The following TENM1 variants were observed in gnomAD, a reference collection of about 807,000 sequenced individuals.
TENM1 encodes teneurin-1.
In TENM1, 35 loss-of-function variants were observed where a neutral mutation model predicts 174.8. The ratio of observed to expected loss-of-function variants is 0.20; its 90% CI spans 0.15 to 0.27. TENM1 has a LOEUF of 0.27. Ranked by LOEUF, TENM1 falls within the 10% of genes least tolerant of loss-of-function variation. The probability of loss-of-function intolerance (pLI) is 1.00; values close to 1 mark genes in which losing one functional copy is unlikely to be tolerated. For synonymous variants in TENM1, 781 were observed against 798.7 expected, an observed-to-expected ratio of 0.98 and a Z score of 0.37; for missense variants, 1,633 against 2,130.1, an observed-to-expected ratio of 0.77 and a Z score of 4.59.
intron 27 of TENM1, among the ~76,000 whole-genome samples, chrX:124,398,402 A>G (rs2060362920): frequency 9.1e-6 from 1 of 109,610 alleles, no homozygotes; most frequent in African/African-American, 3.3e-5. Context: ...GCCTACTTTT[A>G]TTTCACAGAG....
chrX:124,443,044 A>ATGTGTGTG (rs59365041), intron 23 of TENM1, among the ~76,000 whole-genome samples: 1,840 of 51,780 alleles, frequency 0.036, 86 homozygotes, highest in African/African-American at 0.041. Context: ...CTGGATGACT[A>ATGTGTGTG]TGTGTGTGTG....
chrX:124,559,384 C>T (rs1317045980), intron 14 of TENM1, among the ~76,000 whole-genome samples: 3 of 111,596 alleles, frequency 2.7e-5, no homozygotes, highest in Non-Finnish European at 5.6e-5. Context: ...ATGGTAGTTC[C>T]TGGCCAGGTG....
At chrX:125,081,305 T>A in the TENM1 span, among the ~76,000 whole-genome samples, 1 of 111,431 alleles carries the variant, frequency 9.0e-6, no homozygotes, top group Non-Finnish European at 1.9e-5. Flanking sequence ...ATCCACTTTT[T>A]AAATTATAAC....
the TENM1 span, among the ~76,000 whole-genome samples, chrX:125,140,477 T>C: frequency 9.0e-5 from 10 of 111,468 alleles, no homozygotes; most frequent in South Asian, 3.4e-3. Flanking sequence ...AGAGGTTGCT[T>C]AATAGGTACA....
chrX:125,047,984 G>A, the TENM1 span, among the ~76,000 whole-genome samples: 1 of 111,211 alleles, frequency 9.0e-6, no homozygotes, highest in Non-Finnish European at 1.9e-5. Flanking sequence ...AGCAGGAAAG[G>A]TTTCTAGCAA....
At chrX:124,619,946 A>G (rs771443644) in intron 11 of TENM1, among the ~76,000 whole-genome samples, 1 of 112,196 alleles carries the variant, frequency 8.9e-6, no homozygotes, top group East Asian at 2.8e-4. Flanking sequence ...GAGTACAATC[A>G]GCCAACCCTT....
At chrX:124,895,922 A>G in intron 2 of TENM1, 59 bp downstream of exon 5, 1 of 1,168,434 alleles carries the variant, frequency 8.6e-7, no homozygotes, top group Admixed American at 2.3e-5. Flanking sequence ...AGAACAAAGC[A>G]AAGGCTAAAA....
chrX:124,517,894 T>C (rs2047750662), intron 18 of TENM1, among the ~76,000 whole-genome samples: 1 of 111,260 alleles, frequency 9.0e-6, no homozygotes, highest in Non-Finnish European at 1.9e-5. Context: ...TTTTGGATTA[T>C]CTGCCTAGTG....
intron 1 of TENM1, among the ~76,000 whole-genome samples, chrX:124,937,950 GAA>G (rs1294411353): frequency 1.8e-5 from 2 of 111,160 alleles, no homozygotes; most frequent in African/African-American, 6.5e-5. Context: ...TGCTTGCGTT[GAA>G]GATTGGTCTG....
In TENM1 at chrX:124,596,385, C is replaced by T. The variant is rs147170181; in HGVS notation, c.2078-30825G>A. On this transcript the variant is annotated intron_variant, in intron 11 of 31. Coordinates refer to ENST00000422452, the Ensembl canonical transcript of TENM1. Reference sequence around the variant, plus strand: ...TCATTCACACGAGTTAAACATGGTGCTAACTGGCAGAATACAACAACAAAG... The same window carrying T: ...TCATTCACACGAGTTAAACATGGTGTTAACTGGCAGAATACAACAACAAAG... 6.3e-5 allele frequency among the ~76,000 whole-genome samples: 7 copies of T among 111,945 alleles called. No individual in the cohort carries two copies. The East Asian group carries it at 8.4e-4, about 13-fold the overall frequency.
chrX:124,413,044 A>T (rs1473454481), intron 25 of TENM1, among the ~76,000 whole-genome samples: 2 of 111,973 alleles, frequency 1.8e-5, no homozygotes, highest in East Asian at 5.6e-4. Context: ...GGGGACCAGC[A>T]TTGCTGGAGC....
rs201481902 is a variant in TENM1, at chrX:124,685,561, G to GTTTTTTTTTTTT, written c.1016-13738_1016-13727dup. Reference sequence around the variant, plus strand: ...GCTTATGGTCTCTTCAAGCAAATCTGTTTTTTTTTTTTTTTGAGATGGAGT... The same window carrying GTTTTTTTTTTTT: ...GCTTATGGTCTCTTCAAGCAAATCTGTTTTTTTTTTTTTTTTTTTTTTTTTTTGAGATGGAGT... On this transcript the variant is annotated intron_variant, in intron 5 of 31. Transcript: ENST00000422452. Among the ~76,000 whole-genome samples the GTTTTTTTTTTTT allele has an allele frequency of 8.4e-3, 788 of 94,295 alleles. 22 individuals carry two copies. Among genetic ancestry groups the GTTTTTTTTTTTT allele is most frequent in the African/African-American group, 0.025 (622 of 24,829 alleles). The allele number at this position is 94,295 out of a possible 115,157, so 81.9% of individuals were successfully genotyped here. A position where few individuals can be genotyped will look rare whatever the true frequency, so the allele number is the denominator to read the frequency against.
chrX:124,419,508 T>C (rs1490177827), intron 25 of TENM1, among the ~76,000 whole-genome samples: 3 of 112,124 alleles, frequency 2.7e-5, no homozygotes, highest in African/African-American at 9.7e-5. Context: ...CTAGATGGGC[T>C]TACTTGCAAA....
chrX:124,468,835 T>C (rs1020800677), intron 22 of TENM1, among the ~76,000 whole-genome samples: 3 of 112,259 alleles, frequency 2.7e-5, no homozygotes, highest in Admixed American at 1.9e-4. Context: ...ATGTATCCTT[T>C]TGCAATTTTC....
chrX:125,026,542 C>T, the TENM1 span, among the ~76,000 whole-genome samples: 1 of 111,712 alleles, frequency 9.0e-6, no homozygotes, highest in Admixed American at 9.5e-5. Context: ...CGCTCATTCA[C>T]TGAGGCTTGT....
chrX:124,472,053 C>T (rs1442783242), intron 22 of TENM1, among the ~76,000 whole-genome samples: 3 of 107,832 alleles, frequency 2.8e-5, no homozygotes, highest in Non-Finnish European at 3.8e-5. Flanking sequence ...TATCAACATT[C>T]GCTGGAAATT....
chrX:125,173,234 C>T, the TENM1 span, among the ~76,000 whole-genome samples: 15 of 111,348 alleles, frequency 1.3e-4, no homozygotes, highest in Non-Finnish European at 2.3e-4. Flanking sequence ...TGTTATCCCA[C>T]GAGAAATATA....
chrX:124,464,140 G>A (rs1177655369), intron 22 of TENM1, among the ~76,000 whole-genome samples: 7 of 110,825 alleles, frequency 6.3e-5, no homozygotes, highest in Non-Finnish European at 1.9e-5. Context: ...AAGAACTGTC[G>A]CTGTCATCCT....
chrX:124,612,070 G>A (rs933315503), intron 11 of TENM1, among the ~76,000 whole-genome samples: 1 of 112,094 alleles, frequency 8.9e-6, no homozygotes, highest in Non-Finnish European at 1.9e-5. Context: ...TTTTAAAGAT[G>A]AGGAAGGTAA....
Sources: gnomAD v4.1 joint callset for allele counts (sites outside exome capture counted in the v4.1 genomes callset) on GRCh38, gnomAD v4.1.1 for gene constraint, MANE v1.5 for transcripts, NCBI Gene and HGNC (gene_info 2026-07-23, HGNC 2026-07-21) for gene names.